The following JARID2 variants were observed in gnomAD, a reference collection of about 807,000 sequenced individuals.
The protein encoded by JARID2 is jumonji and AT-rich interaction domain containing 2.
JARID2 carries 21 observed loss-of-function variants against 125.6 expected under a neutral mutation model. The observed-to-expected ratio is 0.17, with a 90% CI of 0.12 to 0.24. JARID2 has a LOEUF of 0.24. Ranked by LOEUF, JARID2 falls within the 10% of genes least tolerant of loss-of-function variation. JARID2 has a pLI of 1.00. For missense variants in JARID2, 1,303 were observed against 1,639.6 expected (o/e 0.79, Z 3.55); for synonymous variants, 736 against 661.6 (o/e 1.11, Z -1.73).
chr6:15,332,935 C>CTTTTCT (rs1762761087), intron 1 of JARID2, among the ~76,000 whole-genome samples: 1 of 42,170 alleles, frequency 2.4e-5, no homozygotes, highest in Non-Finnish European at 4.8e-5. Flanking sequence ...CTTTTCTTTT[C>CTTTTCT]TTTTTTTTTT....
intron 1 of JARID2, among the ~76,000 whole-genome samples, chr6:15,264,277 C>G (rs946081351): frequency 6.6e-6 from 1 of 152,066 alleles, no homozygotes; most frequent in Non-Finnish European, 1.5e-5. Flanking sequence ...CCAGTGTGTC[C>G]GTCAGTATTT....
chr6:15,350,704 A>G (rs1763392737), intron 1 of JARID2, among the ~76,000 whole-genome samples: 1 of 143,400 alleles, frequency 7.0e-6, no homozygotes, highest in Non-Finnish European at 1.5e-5. Flanking sequence ...CATGGATTTC[A>G]TTTCAATGCC....
chr6:15,293,311 A>G (rs1222047552), intron 1 of JARID2, among the ~76,000 whole-genome samples: 2 of 152,108 alleles, frequency 1.3e-5, no homozygotes, highest in East Asian at 1.9e-4. Context: ...GCTATTGGGG[A>G]GGCTGTGGCA....
intron 1 of JARID2, among the ~76,000 whole-genome samples, chr6:15,294,296 G>A (rs1046082506): frequency 6.6e-6 from 1 of 152,232 alleles, no homozygotes; most frequent in East Asian, 1.9e-4. Context: ...GGGTTCAAGC[G>A]ATTCTTCTGC....
Position 15,496,413 on chromosome 6 carries a change from G to T in JARID2, c.1188G>T (p.Ala396=). 1 of 1,613,750 alleles carries T rather than the reference G, an allele frequency of 6.2e-7. No homozygotes were observed. The highest frequency in any genetic ancestry group is 8.5e-7 in the Non-Finnish European group (1 of 1,179,902). Residue 396 remains alanine, a synonymous_variant, in exon 7 of 18, where the codon GCG becomes GCT. Coordinates refer to ENST00000341776, the MANE Select transcript of JARID2 (RefSeq NM_004973.4). ...TRKQVLSLGG[A]SKSTGPAVNG... ...AACAGGTGCTATCCCTCGGGGGGGCGTCCAAGTCCACTGGGCCCGCCGTCA... is the reference window on the plus strand; with the variant it reads ...AACAGGTGCTATCCCTCGGGGGGGCTTCCAAGTCCACTGGGCCCGCCGTCA...
At chr6:15,500,633 C>G (rs1172446115) in intron 7 of JARID2, among the ~76,000 whole-genome samples, 1 of 152,162 alleles carries the variant, frequency 6.6e-6, no homozygotes, top group Non-Finnish European at 1.5e-5. Flanking sequence ...CTTTTCCAGC[C>G]AAGCCCCAGC....
intron 1 of JARID2, among the ~76,000 whole-genome samples, chr6:15,263,117 T>G (rs869227342): frequency 4.1e-4 from 57 of 137,416 alleles, no homozygotes; most frequent in Non-Finnish European, 7.3e-4. Context: ...TGTGTGTGTG[T>G]GGTAGGGGTC....
At chr6:15,339,246 G>A (rs900579911) in intron 1 of JARID2, among the ~76,000 whole-genome samples, 19 of 152,138 alleles carry the variant, frequency 1.2e-4, no homozygotes, top group Non-Finnish European at 8.8e-5. Flanking sequence ...AAATCCCACT[G>A]CCTCCCTGGA....
In JARID2 at chr6:15,302,261, C is replaced by T. The variant is rs535610769; in HGVS notation, c.45+55677C>T. Among the ~76,000 whole-genome samples, 6 of 152,140 alleles carry T rather than the reference C, an allele frequency of 3.9e-5. No individual in the cohort carries two copies. In the South Asian group the frequency reaches 1.2e-3, roughly 32 times the overall value. Reference sequence around the variant, plus strand: ...TGAAACCCCATCTCTACTAAAAATACAAAAATTAGTTGGGCGTGGTGGCGT... The same window carrying T: ...TGAAACCCCATCTCTACTAAAAATATAAAAATTAGTTGGGCGTGGTGGCGT... On this transcript the variant is annotated intron_variant, in intron 1 of 17. Coordinates refer to ENST00000341776, the MANE Select transcript of JARID2 (RefSeq NM_004973.4).
Position 15,468,556 on chromosome 6 carries a change from C to T in JARID2, c.508C>T (p.Pro170Ser). Residue 170 changes from proline (P) to serine (S), a missense_variant, in exon 5 of 18, where the codon CCC becomes TCC. Pro to Ser is a moderately conservative substitution (Grantham distance 74, BLOSUM62 -1). Transcript: ENST00000341776. ...TATTCCACCAGGTTCTCCTGCGCTG[C>T]CCAACAGCATGGTGTATTTTGGAAG... Reference protein sequence around the residue: ...FLCLRGSPALPNSMVYFGSSQ... With the variant: ...FLCLRGSPALSNSMVYFGSSQ... 6.2e-7 allele frequency: 1 copy of T among 1,613,578 alleles called. No homozygotes were observed. Among genetic ancestry groups the T allele is most frequent in the Non-Finnish European group, 8.5e-7 (1 of 1,179,766 alleles).
rs1243552127 is a variant in JARID2, at chr6:15,517,148, C to T, written c.3451-13C>T. On this transcript the variant is annotated splice_polypyrimidine_tract_variant and intron_variant, in intron 16 of 17. Transcript: ENST00000341776. ...TGCCTCCTGACCTTCGGGTGTCCTG[C>T]TCTTGCTTGCAGGTGGTACAAGAGA... The T allele has an allele frequency of 1.9e-6, 3 of 1,601,886 alleles. No homozygotes were observed. Among genetic ancestry groups the T allele is most frequent in the Non-Finnish European group, 2.6e-6 (3 of 1,168,922 alleles).
intron 2 of JARID2, among the ~76,000 whole-genome samples, chr6:15,394,939 CTTTT>C (rs4052929): frequency 3.4e-5 from 5 of 146,176 alleles, no homozygotes; most frequent in Admixed American, 1.4e-4. Context: ...AGAATAATTC[CTTTT>C]TTTTTTTTTT....
At chr6:15,292,082 T>A (rs756072034) in intron 1 of JARID2, among the ~76,000 whole-genome samples, 15 of 152,164 alleles carry the variant, frequency 9.9e-5, no homozygotes, top group Admixed American at 2.0e-4. Context: ...AGTGGCGCCA[T>A]CTCGGCTCAC....
chr6:15,363,060 G>A (rs998057789), intron 1 of JARID2, among the ~76,000 whole-genome samples: 1 of 152,106 alleles, frequency 6.6e-6, no homozygotes, highest in African/African-American at 2.4e-5. Flanking sequence ...TAAGGGGACG[G>A]CAGAAGAATC....
chr6:15,450,913 C>G (rs1041108671), intron 3 of JARID2, among the ~76,000 whole-genome samples: 1 of 152,016 alleles, frequency 6.6e-6, no homozygotes, highest in Non-Finnish European at 1.5e-5. Flanking sequence ...TTTGGAAGGT[C>G]AAGACTGGGG....
chr6:15,518,644 CG>C (rs1771680946), intron 17 of JARID2, among the ~76,000 whole-genome samples: 1 of 152,096 alleles, frequency 6.6e-6, no homozygotes. Flanking sequence ...ACTACGCACC[CG>C]GCTAATTTTT....
At chr6:15,428,930 A>G (rs1456405571) in intron 3 of JARID2, among the ~76,000 whole-genome samples, 12 of 89,850 alleles carry the variant, frequency 1.3e-4, no homozygotes, top group Non-Finnish European at 1.9e-4. Context: ...AAAAAAACAA[A>G]CCCCCCCCCC....
chr6:15,322,745 A>T (rs930238702), intron 1 of JARID2, among the ~76,000 whole-genome samples: 1 of 152,188 alleles, frequency 6.6e-6, no homozygotes, highest in Non-Finnish European at 1.5e-5. Flanking sequence ...TTTGGGGGTG[A>T]TGTTTTGTAT....
At chr6:15,381,100 T>A (rs1230413524) in intron 2 of JARID2, among the ~76,000 whole-genome samples, 2 of 151,480 alleles carry the variant, frequency 1.3e-5, no homozygotes, top group Non-Finnish European at 2.9e-5. Context: ...ACACCTGTAA[T>A]CCCAGCACTT....
Sources: gnomAD v4.1 joint callset for allele counts (sites outside exome capture counted in the v4.1 genomes callset) on GRCh38, gnomAD v4.1.1 for gene constraint, MANE v1.5 for transcripts, NCBI Gene and HGNC (gene_info 2026-07-23, HGNC 2026-07-21) for gene names.